The following RGL1 variants were observed in gnomAD, a reference collection of about 807,000 sequenced individuals.
RGL1 encodes the protein ral guanine nucleotide dissociation stimulator-like 1.
In RGL1, 24 loss-of-function variants were observed where a neutral mutation model predicts 95.2. That is an observed-to-expected ratio of 0.25 (90% CI 0.18 to 0.35). The LOEUF is 0.35. Among genes scored for constraint, RGL1 ranks in the 10% least tolerant of loss-of-function variants. The pLI, the probability that RGL1 is intolerant of heterozygous loss-of-function variation, is 1.00. For missense variants in RGL1, 715 were observed against 936.3 expected, an observed-to-expected ratio of 0.76 and a Z score of 3.08; for synonymous variants, 329 against 344.9, an observed-to-expected ratio of 0.95 and a Z score of 0.51.
chr1:183,735,062 A>T (rs957376370), intron 1 of RGL1, among the ~76,000 whole-genome samples: 8 of 119,698 alleles, frequency 6.7e-5, no homozygotes, highest in African/African-American at 2.2e-4. Flanking sequence ...CCCACTCTGG[A>T]TTTTTCTTTT....
At chr1:183,873,726 T>C (rs1305149947) in intron 4 of RGL1, among the ~76,000 whole-genome samples, 1 of 152,274 alleles carries the variant, frequency 6.6e-6, no homozygotes, top group Non-Finnish European at 1.5e-5. Flanking sequence ...TCCATTGCTC[T>C]ATGCTGTTTT....
At chr1:183,725,170 C>G (rs886690938) in intron 1 of RGL1, among the ~76,000 whole-genome samples, 2 of 152,146 alleles carry the variant, frequency 1.3e-5, no homozygotes, top group Admixed American at 6.5e-5. Context: ...AGGTGTCCCC[C>G]TAATGCAGAT....
chr1:183,874,077 T>C (rs1666344858), intron 4 of RGL1, among the ~76,000 whole-genome samples: 1 of 152,250 alleles, frequency 6.6e-6, no homozygotes, highest in Non-Finnish European at 1.5e-5. Flanking sequence ...TGACTGGCGA[T>C]GTCCTTTTCT....
chr1:183,714,005 C>T (rs75907790), intron 1 of RGL1, among the ~76,000 whole-genome samples: 3,970 of 152,226 alleles, frequency 0.026, 75 homozygotes, highest in Admixed American at 0.034. Context: ...CTTTTGGGAT[C>T]ATTTGCATGG....
chr1:183,814,278 G>A (rs557660817), intron 2 of RGL1, among the ~76,000 whole-genome samples: 4 of 152,204 alleles, frequency 2.6e-5, no homozygotes, highest in African/African-American at 9.6e-5. Context: ...TCTTTCCACT[G>A]ATGTGACTGC....
chr1:183,860,059 T>G (rs1400241314), intron 3 of RGL1, among the ~76,000 whole-genome samples: 1 of 152,210 alleles, frequency 6.6e-6, no homozygotes, highest in Non-Finnish European at 1.5e-5. Context: ...AACATTTTTT[T>G]CATACCTGAC....
At chr1:183,808,100 T>C (rs1421946999) in intron 2 of RGL1, among the ~76,000 whole-genome samples, 1 of 152,220 alleles carries the variant, frequency 6.6e-6, no homozygotes, top group Non-Finnish European at 1.5e-5. Context: ...TTCAGCCATA[T>C]ACAACATTAG....
chr1:183,689,449 A>AT (rs1385199695), intron 1 of RGL1, among the ~76,000 whole-genome samples: 1 of 151,918 alleles, frequency 6.6e-6, no homozygotes, highest in Non-Finnish European at 1.5e-5. Context: ...ATTCATACCA[A>AT]TTTTTTTTAG....
Position 183,922,334 on chromosome 1 carries a change from A to G in RGL1, c.2117A>G (p.Lys706Arg), listed in dbSNP as rs1467577765. The G allele has an allele frequency of 6.2e-7, 1 of 1,611,616 alleles. No individual in the cohort carries two copies. Among genetic ancestry groups the G allele is most frequent in the African/African-American group, 1.3e-5 (1 of 74,834 alleles). The change falls in exon 17 of 18, where the codon AAA (lysine) becomes AGA (arginine). Residue 706 changes from lysine (K) to arginine (R), a missense_variant and splice_region_variant. By Grantham distance (26) the Lys-to-Arg change is conservative (BLOSUM62 2). Coordinates refer to ENST00000360851, the MANE Select transcript of RGL1 (RefSeq NM_001297671.3). ...YELVQVISED[K>R]ELVIPDSANV... ...CTGGTGCAGGTCATCTCGGAGGACA[A>G]AGGTGGGCATCCTTCCGAGACAGGC...
chr1:183,746,329 CAT>C (rs1200992811), intron 2 of RGL1, among the ~76,000 whole-genome samples: 11 of 152,012 alleles, frequency 7.2e-5, no homozygotes, highest in African/African-American at 2.4e-4. Context: ...CACACACACA[CAT>C]GCACACACAT....
intron 12 of RGL1, among the ~76,000 whole-genome samples, chr1:183,904,448 A>G (rs1216977750): frequency 6.6e-6 from 1 of 152,186 alleles, no homozygotes; most frequent in Non-Finnish European, 1.5e-5. Context: ...TTTTTAAGAA[A>G]TATGAATAGA....
At chr1:183,703,183 A>C (rs1654706903) in intron 1 of RGL1, among the ~76,000 whole-genome samples, 1 of 152,074 alleles carries the variant, frequency 6.6e-6, no homozygotes, top group Non-Finnish European at 1.5e-5. Flanking sequence ...ATTCTTGTCT[A>C]TTTGGTTATA....
chr1:183,906,991 G>A, intron 13 of RGL1, 21 bp from the exon 14 acceptor site: 3 of 1,442,254 alleles, frequency 2.1e-6, no homozygotes, highest in Non-Finnish European at 2.9e-6. Context: ...TGACCTCATG[G>A]AGCCCCCTTC....
intron 2 of RGL1, among the ~76,000 whole-genome samples, chr1:183,757,269 A>G (rs12737637): frequency 0.44 from 66,305 of 151,928 alleles, 15,598 homozygotes; most frequent in East Asian, 0.76. Flanking sequence ...TTGGAGGAGG[A>G]AATAGTAAGT....
chr1:183,899,678 C>T (rs1236115551), intron 10 of RGL1, among the ~76,000 whole-genome samples: 3 of 152,166 alleles, frequency 2.0e-5, no homozygotes, highest in Non-Finnish European at 1.5e-5. Flanking sequence ...TTCTCTTTCC[C>T]TCCTCTATTA....
intron 3 of RGL1, among the ~76,000 whole-genome samples, chr1:183,860,310 T>C (rs749776141): frequency 3.8e-4 from 58 of 152,322 alleles, no homozygotes; most frequent in Admixed American, 8.5e-4. Flanking sequence ...TGAGCAAATA[T>C]TTATTGTCTA....
chr1:183,910,300 G>A (rs987374100), intron 14 of RGL1, among the ~76,000 whole-genome samples: 2 of 152,160 alleles, frequency 1.3e-5, no homozygotes, highest in Non-Finnish European at 2.9e-5. Flanking sequence ...GCTTCACCAC[G>A]TTGCCTGGAG....
chr1:183,875,955 A>T (rs1273883721), intron 4 of RGL1, among the ~76,000 whole-genome samples: 1 of 151,818 alleles, frequency 6.6e-6, no homozygotes, highest in African/African-American at 2.4e-5. Context: ...TTTTAGTTTA[A>T]CAGATCTTTA....
At chr1:183,779,062 C>T (rs1335327845) in intron 2 of RGL1, among the ~76,000 whole-genome samples, 1 of 152,108 alleles carries the variant, frequency 6.6e-6, no homozygotes, top group African/African-American at 2.4e-5. Flanking sequence ...ACTTCCTCCT[C>T]CCCTGGAGGA....
Sources: allele counts gnomAD v4.1 joint callset (sites outside exome capture counted in the v4.1 genomes callset), GRCh38; gene constraint gnomAD v4.1.1; transcripts MANE v1.5; gene names NCBI Gene and HGNC (gene_info 2026-07-23, HGNC 2026-07-21).